SSC5D: variants seen among roughly 807,000 people sequenced by gnomAD.
SSC5D encodes the protein soluble scavenger receptor cysteine-rich domain-containing protein SSC5D.
Under a neutral mutation model 104.6 loss-of-function variants are expected in SSC5D, and 106 were observed. The observed-to-expected ratio is 1.01, with a 90% CI of 0.87 to 1.19. The LOEUF is 1.19. SSC5D is among the 50% of genes most tolerant of loss of function. The pLI is 0.00. For synonymous variants in SSC5D, 860 were observed against 883.5 expected, an observed-to-expected ratio of 0.97 and a Z score of 0.47; for missense variants, 1,993 against 2,153.8, an observed-to-expected ratio of 0.93 and a Z score of 1.48.
intron 13 of SSC5D, among the ~76,000 whole-genome samples, chr19:55,513,561 C>T (rs140892082): frequency 3.9e-5 from 6 of 152,272 alleles, no homozygotes; most frequent in Admixed American, 3.9e-4. Flanking sequence ...CAGAGCGAGA[C>T]CTTGTCTCAA....
chr19:55,493,621 G>C lies in SSC5D; in HGVS notation c.922G>C (p.Asp308His), dbSNP rs1436551224. Residue 308 changes from aspartate (D) to histidine (H), a missense_variant, in exon 7 of 14, where the codon GAT becomes CAT. Physicochemically the swap from Asp to His is moderately conservative, Grantham distance 81. Around this residue, in one of 6 missense-constraint regions of SSC5D, gnomAD observed 1,101 missense variants for 1,085.0 expected, o/e 1.01. Transcript: ENST00000389623. ...CCCAGCACCTCGGCTGCGCCTGGCC[G>C]ATGGCCCCCACGGGTGCGCCGGCCG... ...TGPAPRLRLADGPHGCAGRLE... is the reference protein window; with the variant it reads ...TGPAPRLRLAHGPHGCAGRLE... The C allele has an allele frequency of 8.1e-6, 12 of 1,475,456 alleles. No individual in the cohort carries two copies. The highest frequency in any genetic ancestry group is 9.8e-6 in the Non-Finnish European group (11 of 1,124,576). The allele number at this position is 1,475,456 out of a possible 1,614,324, so 91.4% of individuals were successfully genotyped here.
chr19:55,503,481 C>T lies in SSC5D; in HGVS notation c.2785+2280C>T, dbSNP rs2123447802. 6.6e-6 allele frequency among the ~76,000 whole-genome samples: 1 copy of T among 152,212 alleles called. No individual in the cohort carries two copies. The highest frequency in any genetic ancestry group is 1.5e-5 in the Non-Finnish European group (1 of 68,010). ...TGCAGTCTCCCGCGTGCTCTCTTCT[C>T]TCTCCCCCTCGTTTCTCTCATGGTC... On this transcript the variant is annotated intron_variant, in intron 12 of 13. Coordinates refer to ENST00000389623, the MANE Select transcript of SSC5D (RefSeq NM_001144950.2). This position sits in a 1 kb window ranked among gnomAD's most constrained non-coding sequence, Gnocchi z 4.0.
intron 12 of SSC5D, among the ~76,000 whole-genome samples, chr19:55,511,974 G>A (rs1341587202): frequency 1.3e-5 from 2 of 152,082 alleles, no homozygotes; most frequent in South Asian, 2.1e-4. Context: ...GCAAGCTTGT[G>A]AGTGGGTAAA....
In SSC5D at chr19:55,518,293, G is replaced by A. The variant is rs1245905215; in HGVS notation, c.4017G>A (p.Val1339=). 2.6e-6 allele frequency: 4 copies of A among 1,547,636 alleles called. No individual in the cohort carries two copies. The highest frequency in any genetic ancestry group is 3.5e-6 in the Non-Finnish European group (4 of 1,146,542). ...CCTCAACCCCTGTCATCACTACTGT[G>A]TCCCTTCCAACCTCCTTGGGGACAG... The part of the protein sequence containing the change: ...DPSSTPVITT[V]SLPTSLGTEL... Residue 1339 remains valine (V), a synonymous_variant, in exon 14 of 14, where the codon GTG becomes GTA. Transcript: ENST00000389623.
chr19:55,500,494 G>A lies in SSC5D; in HGVS notation c.2307G>A (p.Leu769=). The A allele has an allele frequency of 1.3e-6, 2 of 1,551,460 alleles. No homozygotes were observed. Among genetic ancestry groups the A allele is most frequent in the Middle Eastern group, 1.7e-4 (1 of 5,990 alleles). Residue 769 remains leucine, a synonymous_variant, in exon 11 of 14, where the codon CTG becomes CTA. Coordinates refer to ENST00000389623, the MANE Select transcript of SSC5D (RefSeq NM_001144950.2). This position sits in a 1 kb window ranked among gnomAD's most constrained non-coding sequence, Gnocchi z 4.6. ...PSVSTTGESG[L]FRVRLADGPN... ...ACCTAAGGGCCTTCCACGCAGGCCT[G>A]TTCCGGGTTCGTCTGGCCGATGGGC...
intron 13 of SSC5D, among the ~76,000 whole-genome samples, chr19:55,514,452 AAT>A (rs1300845707): frequency 2.2e-5 from 1 of 46,160 alleles, no homozygotes; most frequent in Non-Finnish European, 3.6e-5. Context: ...TAATAATAAT[AAT>A]AATAGGTGTG....
chr19:55,505,181 T>C (rs978240105), intron 12 of SSC5D, among the ~76,000 whole-genome samples: 2 of 151,674 alleles, frequency 1.3e-5, no homozygotes, highest in Non-Finnish European at 2.9e-5. Context: ...CGCAGAATAT[T>C]GTTTGTTAGG....
chr19:55,509,821 T>C (rs1291674607), intron 12 of SSC5D, among the ~76,000 whole-genome samples: 1 of 92,400 alleles, frequency 1.1e-5, no homozygotes, highest in African/African-American at 5.4e-5. Context: ...ATCTTGCCAT[T>C]GCACTGCAAC....
rs997905621 is a variant in SSC5D at position 55,490,887 on chromosome 19, A to G, written c.702A>G (p.Val234=). The G allele has an allele frequency of 6.5e-7, 1 of 1,546,060 alleles. No homozygotes were observed. The highest frequency in any genetic ancestry group is 1.4e-5 in the African/African-American group (1 of 72,858). Residue 234 remains valine (V), a synonymous_variant, in exon 6 of 14, where the codon GTA becomes GTG. Coordinates refer to ENST00000389623, the MANE Select transcript of SSC5D (RefSeq NM_001144950.2). ...GCTGGGACCTGCGCGACGCTGCTGT[A>G]GCCTGCCGGGAACTGGGCTGTGGGG... is the stretch of plus-strand genomic sequence containing the variant. ...DDGWDLRDAA[V]ACRELGCGGA...
intron 12 of SSC5D, among the ~76,000 whole-genome samples, chr19:55,511,080 TTACCAC>T (rs1987746900): frequency 6.6e-6 from 1 of 152,192 alleles, no homozygotes; most frequent in Admixed American, 6.5e-5. Flanking sequence ...CACCCGGCCA[TTACCAC>T]TAATGGTTTT....
chr19:55,501,366 G>A (rs958904423), intron 12 of SSC5D, among the ~76,000 whole-genome samples, 165 bp downstream of exon 12: 1 of 152,130 alleles, frequency 6.6e-6, no homozygotes, highest in Non-Finnish European at 1.5e-5. Context: ...ACCTCCTTGG[G>A]CTCAATGGTG....
intron 13 of SSC5D, 97 bp downstream of exon 13, chr19:55,513,269 A>G: frequency 8.0e-7 from 1 of 1,252,700 alleles, no homozygotes; most frequent in Non-Finnish European, 1.1e-6. Context: ...TACCCCAGAA[A>G]GACTCAGCAG....
At chr19:55,512,791 C>T (rs968318861) in intron 12 of SSC5D, among the ~76,000 whole-genome samples, 1 of 152,094 alleles carries the variant, frequency 6.6e-6, no homozygotes, top group African/African-American at 2.4e-5. Flanking sequence ...CCCAAATGCC[C>T]TTCATTTTAT....
chr19:55,507,689 GA>G (rs1358686101), intron 12 of SSC5D, among the ~76,000 whole-genome samples: 16 of 113,418 alleles, frequency 1.4e-4, no homozygotes, highest in Non-Finnish European at 2.2e-4. Context: ...AAAAAAAAAA[GA>G]AAAAAAGAGA....
intron 13 of SSC5D, among the ~76,000 whole-genome samples, chr19:55,516,600 T>C (rs1987877510): frequency 6.6e-6 from 1 of 151,698 alleles, no homozygotes; most frequent in South Asian, 2.1e-4. Flanking sequence ...ATGTTAACTT[T>C]GGTTAACTGT....
intron 12 of SSC5D, among the ~76,000 whole-genome samples, chr19:55,510,733 T>A (rs1987739866): frequency 6.6e-6 from 1 of 151,994 alleles, no homozygotes; most frequent in Non-Finnish European, 1.5e-5. Context: ...ATAGTACCAC[T>A]AATGGTGGTG....
At chr19:55,509,260 G>C (rs1379630727) in intron 12 of SSC5D, among the ~76,000 whole-genome samples, 3 of 152,178 alleles carry the variant, frequency 2.0e-5, no homozygotes, top group Non-Finnish European at 2.9e-5. Context: ...CAGCATGAAG[G>C]CTGTAGGATA....
chr19:55,499,628 A>G (rs2123442012), intron 9 of SSC5D, among the ~76,000 whole-genome samples, 188 bp from the exon 10 acceptor site: 1 of 152,320 alleles, frequency 6.6e-6, no homozygotes, highest in Non-Finnish European at 1.5e-5. Context: ...GGCTTGCCAT[A>G]GGCTACCCGA....
At position 55,506,761 on chromosome 19, in the gene SSC5D, C is replaced by T. The variant is rs10417039; in HGVS notation, c.2785+5560C>T. ...GGATGATGGAGTTTGGAGATACAAA[C>T]GTCAGTTCATGTGTCAAATGCCTAC... On this transcript the variant is annotated intron_variant, in intron 12 of 13. Transcript: ENST00000389623. Among the ~76,000 whole-genome samples, 1,135 of 152,202 alleles carry T rather than the reference C, an allele frequency of 7.5e-3. 13 individuals are homozygous for T. Among genetic ancestry groups the T allele is most frequent in the African/African-American group, 0.026 (1,097 of 41,522 alleles).
Sources: gnomAD v4.1 joint callset for allele counts (sites outside exome capture counted in the v4.1 genomes callset) on GRCh38, gnomAD v4.1.1 for gene constraint, gnomAD v4.1.1 regional missense constraint, Gnocchi (gnomAD v3.1) non-coding constraint, MANE v1.5 for transcripts, NCBI Gene and HGNC (gene_info 2026-07-23, HGNC 2026-07-21) for gene names.